Variants in FBXO38 observed in about 807,000 individuals in gnomAD.
The protein encoded by FBXO38 is F-box protein 38, also known as F-box only protein 38.
In FBXO38, 53 loss-of-function variants were observed where a neutral mutation model predicts 131.9. The ratio of observed to expected loss-of-function variants is 0.40; its 90% confidence interval spans 0.32 to 0.51. FBXO38 has a LOEUF of 0.51. FBXO38 is among the 20% of genes least tolerant of loss of function. FBXO38 has a pLI of 0.53. For missense variants in FBXO38, 1,076 were observed against 1,475.6 expected, an observed-to-expected ratio of 0.73 and a Z score of 4.44; for synonymous variants, 452 against 505.6, an observed-to-expected ratio of 0.89 and a Z score of 1.42.
chr5:148,407,246 G>A (rs1752491681), intron 7 of FBXO38, among the ~76,000 whole-genome samples: 1 of 152,092 alleles, frequency 6.6e-6, no homozygotes, highest in African/African-American at 2.4e-5. Context: ...AGTCAAAAAC[G>A]AAAAGAAGGC....
rs777947285 is a variant in FBXO38, at chr5:148,427,826, G to C, written c.2532G>C (p.Glu844Asp). Residue 844 changes from glutamate to aspartate, a missense_variant, in exon 15 of 22, where the codon GAG becomes GAC. Physicochemically the swap from Glu to Asp is conservative, Grantham distance 45. Transcript: ENST00000340253. ...TNGSGSGATG[E>D]DRRGSSQPES... ...GGAGTGGCTCTGGGGCTACAGGTGA[G>C]GACAGGAGGGGGAGCTCCCAGCCTG... 6.2e-7 allele frequency: 1 copy of C among 1,605,288 alleles called. No homozygotes were observed. Among genetic ancestry groups the C allele is most frequent in the Admixed American group, 1.7e-5 (1 of 59,244 alleles).
intron 15 of FBXO38, among the ~76,000 whole-genome samples, chr5:148,428,821 G>A (rs1753870546): frequency 1.3e-5 from 2 of 152,168 alleles, no homozygotes; most frequent in Non-Finnish European, 2.9e-5. Flanking sequence ...TGAGACCTTA[G>A]TTATGTGCTA....
rs139564506 is a variant in FBXO38 at position 148,391,231 on chromosome 5, C to G, written c.-63-3483C>G. Reference sequence around the variant, plus strand: ...ATGAAATGGTTTTTAGCAGCAGCCTCGAAGCTACTGGATGTATATAGAATA... The same window carrying G: ...ATGAAATGGTTTTTAGCAGCAGCCTGGAAGCTACTGGATGTATATAGAATA... On this transcript the variant is annotated intron_variant, in intron 1 of 21. Coordinates refer to ENST00000340253, the MANE Select transcript of FBXO38 (RefSeq NM_205836.3). 2.6e-4 allele frequency among the ~76,000 whole-genome samples: 39 copies of G among 152,186 alleles called. No individual in the cohort carries two copies. In the East Asian group the frequency reaches 7.3e-3, roughly 29 times the overall value.
rs960003334 is a variant in FBXO38, at chr5:148,404,580, G to T, written c.593-105G>T. ...ATTTGTTCGGATAAAAATCCTTGAA[G>T]GTTAAGCTGTTAATATGAAAAATAG... On this transcript the variant is annotated intron_variant, in intron 5 of 21. Transcript: ENST00000340253. The T allele has an allele frequency of 8.2e-6, 8 of 970,572 alleles. No homozygotes were observed. The African/African-American group carries it at 1.4e-4, about 17-fold the overall frequency. 60.1% of individuals were successfully genotyped at this position (970,572 alleles called of 1,614,324 possible).
intron 21 of FBXO38, chr5:148,441,651 T>C (rs923434482): frequency 4.5e-6 from 1 of 224,396 alleles, no homozygotes; most frequent in Non-Finnish European, 8.5e-6. Flanking sequence ...TTTCTCTAAG[T>C]GGTAGCATAC....
At chr5:148,418,850 T>A (rs1753227731) in intron 12 of FBXO38, among the ~76,000 whole-genome samples, 1 of 152,216 alleles carries the variant, frequency 6.6e-6, no homozygotes, top group African/African-American at 2.4e-5. Context: ...CATATATTGT[T>A]GCAACAAGGA....
chr5:148,389,157 C>G (rs1174993659), intron 1 of FBXO38, among the ~76,000 whole-genome samples: 1 of 152,182 alleles, frequency 6.6e-6, no homozygotes, highest in Non-Finnish European at 1.5e-5. Context: ...CCATCTTATA[C>G]AGCATGGTTT....
intron 14 of FBXO38, 55 bp downstream of exon 14, chr5:148,425,756 C>A (rs1753681280): frequency 1.3e-6 from 2 of 1,496,056 alleles, no homozygotes; most frequent in African/African-American, 2.8e-5. Flanking sequence ...AGAACTGACA[C>A]ACTTGGCCTT....
intron 11 of FBXO38, 105 bp from the exon 12 acceptor site, chr5:148,416,889 T>C: frequency 2.9e-6 from 2 of 698,518 alleles, no homozygotes; most frequent in Middle Eastern, 3.2e-4. Flanking sequence ...ATAAGTACTA[T>C]ATAAATATTA....
In FBXO38 at chr5:148,442,177, T is replaced by G; in HGVS notation, c.*30T>G. The stretch of plus-strand genomic sequence containing the variant: ...TCCCTCCTCCTTTCCAGCTATTTTG[T>G]CAGAAAGCAAGTAGGGCCATCCAGC... On this transcript the variant is annotated 3_prime_UTR_variant, in exon 22 of 22. Transcript: ENST00000340253. 6.2e-7 allele frequency: 1 copy of G among 1,604,796 alleles called. No homozygotes were observed. The highest frequency in any genetic ancestry group is 8.5e-7 in the Non-Finnish European group (1 of 1,174,154).
In FBXO38 at chr5:148,410,743, T is replaced by C. The variant is rs780261216; in HGVS notation, c.1071T>C (p.Tyr357=). Residue 357 remains tyrosine, a synonymous_variant, in exon 9 of 22, where the codon TAT becomes TAC. Transcript: ENST00000340253. The stretch of plus-strand genomic sequence containing the variant: ...AGTTTGAAACCCTTCATCTAGGATA[T>C]GTAGATGAGTTTTTGCTACAGAGTA... The part of the protein sequence containing the change: ...FPQFETLHLG[Y]VDEFLLQSRM... The C allele has an allele frequency of 6.2e-7, 1 of 1,612,356 alleles. No homozygotes were observed. The highest frequency in any genetic ancestry group is 1.1e-5 in the South Asian group (1 of 90,644).
chr5:148,435,542 C>T (rs146763761), intron 17 of FBXO38, among the ~76,000 whole-genome samples: 91 of 152,252 alleles, frequency 6.0e-4, no homozygotes, highest in African/African-American at 2.0e-3. Flanking sequence ...GAGGCCAAGG[C>T]GGGCGGATCA....
intron 9 of FBXO38, among the ~76,000 whole-genome samples, chr5:148,412,997 A>G (rs543056092): frequency 1.3e-5 from 2 of 152,256 alleles, no homozygotes; most frequent in East Asian, 1.9e-4. Flanking sequence ...TCGATTTGTC[A>G]TGTTAGGTTA....
At chr5:148,426,170 C>T (rs1753704927) in intron 14 of FBXO38, among the ~76,000 whole-genome samples, 1 of 152,206 alleles carries the variant, frequency 6.6e-6, no homozygotes, top group Non-Finnish European at 1.5e-5. Flanking sequence ...CAACAACCCT[C>T]TGCAGTGCCT....
At chr5:148,387,348 T>G (rs998579240) in intron 1 of FBXO38, among the ~76,000 whole-genome samples, 6 of 152,216 alleles carry the variant, frequency 3.9e-5, no homozygotes, top group Admixed American at 6.5e-5. Flanking sequence ...ATCATGAGAT[T>G]GCAGCAATTC....
chr5:148,440,660 C>A, intron 20 of FBXO38, 133 bp downstream of exon 20: 1 of 580,038 alleles, frequency 1.7e-6, no homozygotes, highest in Non-Finnish European at 3.1e-6. Flanking sequence ...GGAAACAAAA[C>A]CTGGCCCTTT....
chr5:148,419,607 A>G (rs1044206183), intron 12 of FBXO38, among the ~76,000 whole-genome samples: 1 of 152,198 alleles, frequency 6.6e-6, no homozygotes, highest in African/African-American at 2.4e-5. Context: ...CGTCTGGGCC[A>G]GGTGCAATGC....
chr5:148,439,668 C>G lies in FBXO38; in HGVS notation c.3046C>G (p.Gln1016Glu). 2 of 1,604,878 alleles carry G rather than the reference C, an allele frequency of 1.2e-6. No homozygotes were observed. The highest frequency in any genetic ancestry group is 1.7e-6 in the Non-Finnish European group (2 of 1,179,542). Residue 1016 changes from glutamine to glutamate, a missense_variant, in exon 19 of 22, where the codon CAG becomes GAG. Coordinates refer to ENST00000340253, the MANE Select transcript of FBXO38 (RefSeq NM_205836.3). ...MQQVDTLTLEQKLFSGPYPYH... is the reference protein window; with the variant it reads ...MQQVDTLTLEEKLFSGPYPYH... Reference sequence around the variant, plus strand: ...ACAGGTGGACACTCTAACTTTGGAGCAGAAGCTATTTAGTGGTCCCTACCC... The same window carrying G: ...ACAGGTGGACACTCTAACTTTGGAGGAGAAGCTATTTAGTGGTCCCTACCC...
At chr5:148,434,430 T>C (rs904130172) in intron 17 of FBXO38, 2 of 152,354 alleles carry the variant, frequency 1.3e-5, no homozygotes, top group African/African-American at 2.4e-5. Flanking sequence ...ATTTTAGATA[T>C]CCATCCATGT....
Sources: gnomAD v4.1 joint callset for allele counts (sites outside exome capture counted in the v4.1 genomes callset) on GRCh38, gnomAD v4.1.1 for gene constraint, MANE v1.5 for transcripts, NCBI Gene and HGNC (gene_info 2026-07-23, HGNC 2026-07-21) for gene names.